DCC: variants seen among roughly 807,000 people sequenced by gnomAD.
DCC encodes netrin receptor DCC.
DCC carries 58 observed loss-of-function variants against 172.5 expected under a neutral mutation model. The observed-to-expected ratio is 0.34, with a 90% CI of 0.27 to 0.42. The LOEUF (loss-of-function observed/expected upper bound fraction) is 0.42, where lower values mean the gene tolerates loss of function less well. DCC is among the 10% of genes least tolerant of loss of function. The pLI, the probability that DCC is intolerant of heterozygous loss-of-function variation, is 1.00. For synonymous variants in DCC, 709 were observed against 644.5 expected (o/e 1.10, Z -1.52); for missense variants, 1,740 against 1,791.0 (o/e 0.97, Z 0.51).
intron 1 of DCC, among the ~76,000 whole-genome samples, chr18:52,532,009 T>A (rs940364949): frequency 3.2e-4 from 49 of 152,332 alleles, no homozygotes; most frequent in African/African-American, 1.2e-3. Context: ...TCTCTTTCCT[T>A]TGCACAATGC....
In DCC at chr18:53,534,385, C is replaced by G. The variant is rs988521239; in HGVS notation, c.*3732C>G. On this transcript the variant is annotated 3_prime_UTR_variant, in exon 29 of 29. Transcript: ENST00000442544. Reference sequence around the variant, plus strand: ...TCACTCAGTTCCCTTCATGCAACCACAGGCAGTCCTGCAGGCCAGAGGTTA... The same window carrying G: ...TCACTCAGTTCCCTTCATGCAACCAGAGGCAGTCCTGCAGGCCAGAGGTTA... The G allele has an allele frequency of 2.0e-5, 3 of 152,220 alleles. No homozygotes were observed. The highest frequency in any genetic ancestry group is 2.9e-5 in the Non-Finnish European group (2 of 68,050). 9.4% of individuals were successfully genotyped at this position (152,220 alleles called of 1,614,324 possible).
intron 3 of DCC, among the ~76,000 whole-genome samples, chr18:52,909,288 CAT>C (rs1402146876): frequency 3.9e-5 from 6 of 152,074 alleles, no homozygotes; most frequent in African/African-American, 1.4e-4. Context: ...ATACAAACAT[CAT>C]ATTATTGGCA....
chr18:52,897,386 GA>G (rs1412475000), intron 2 of DCC, among the ~76,000 whole-genome samples: 10 of 152,262 alleles, frequency 6.6e-5, no homozygotes, highest in African/African-American at 2.4e-4. Flanking sequence ...GACTATGTTG[GA>G]AAGTGACAGA....
chr18:53,386,168 A>G lies in DCC; in HGVS notation c.2455+30A>G, dbSNP rs748208330. 4 of 1,381,514 alleles carry G rather than the reference A, an allele frequency of 2.9e-6. No individual in the cohort carries two copies. The Admixed American group carries it at 5.0e-5, about 17-fold the overall frequency. 85.6% of individuals were successfully genotyped at this position (1,381,514 alleles called of 1,614,324 possible). ...GTGAAATTGTTAATCTTCCTCTGAC[A>G]AAGTATATTTGATTTATGGTGAAAA... On this transcript the variant is annotated intron_variant, in intron 16 of 28. Transcript: ENST00000442544.
chr18:53,117,763 A>G (rs2043428349), intron 7 of DCC, among the ~76,000 whole-genome samples: 1 of 151,730 alleles, frequency 6.6e-6, no homozygotes, highest in Non-Finnish European at 1.5e-5. Flanking sequence ...TGGACTCTAC[A>G]GTTTTCAGGC....
At chr18:53,440,929 C>T (rs1471064421) in intron 22 of DCC, among the ~76,000 whole-genome samples, 1 of 152,202 alleles carries the variant, frequency 6.6e-6, no homozygotes, top group African/African-American at 2.4e-5. Context: ...GCTAGAGCAG[C>T]ACTTCTGAAC....
At chr18:52,892,502 C>T (rs1243355719) in intron 2 of DCC, 1 of 152,110 alleles carries the variant, frequency 6.6e-6, no homozygotes, top group African/African-American at 2.4e-5. Flanking sequence ...AACGTACTGA[C>T]ATTTTTCTAC....
At chr18:52,931,712 C>T (rs887108666) in intron 5 of DCC, 1 of 152,006 alleles carries the variant, frequency 6.6e-6, no homozygotes, top group African/African-American at 2.4e-5. Context: ...ACCTTATTTA[C>T]AATAAATAAA....
chr18:52,640,212 A>T (rs186267597), intron 1 of DCC, among the ~76,000 whole-genome samples: 314 of 152,316 alleles, frequency 2.1e-3, no homozygotes, highest in African/African-American at 7.2e-3. Context: ...ACATATCTTA[A>T]TGTAATAAAA....
At chr18:52,538,955 G>T (rs925291471) in intron 1 of DCC, among the ~76,000 whole-genome samples, 5 of 152,172 alleles carry the variant, frequency 3.3e-5, no homozygotes, top group Admixed American at 3.3e-4. Context: ...CGGTACTGAG[G>T]TTGGTTAGCT....
At chr18:52,546,914 T>C (rs540325327) in intron 1 of DCC, among the ~76,000 whole-genome samples, 1 of 152,224 alleles carries the variant, frequency 6.6e-6, no homozygotes, top group South Asian at 2.1e-4. Flanking sequence ...GGATCCAATT[T>C]AGAAGTCTGT....
chr18:53,231,572 T>G (rs2144616442), intron 12 of DCC, among the ~76,000 whole-genome samples: 1 of 152,234 alleles, frequency 6.6e-6, no homozygotes, highest in South Asian at 2.1e-4. Flanking sequence ...AGGCTGTTTT[T>G]ATGATTAATT....
chr18:53,229,487 C>G (rs1222415786), intron 12 of DCC, among the ~76,000 whole-genome samples: 1 of 152,102 alleles, frequency 6.6e-6, no homozygotes, highest in Non-Finnish European at 1.5e-5. Flanking sequence ...TTACTATTAT[C>G]TATGCCCTTT....
In DCC at chr18:53,130,524, C is replaced by G. The variant is rs367804822; in HGVS notation, c.1262-26832C>G. Among the ~76,000 whole-genome samples the G allele has an allele frequency of 1.1e-4, 17 of 152,052 alleles. No individual in the cohort carries two copies. In the East Asian group the frequency reaches 3.1e-3, roughly 28 times the overall value. On this transcript the variant is annotated intron_variant, in intron 7 of 28. Transcript: ENST00000442544. ...CTAGGGATTTTAAGGTTAAGTTCTCCCCATGTGATACCTATTCTCTCCTGT... is the reference window on the plus strand; with the variant it reads ...CTAGGGATTTTAAGGTTAAGTTCTCGCCATGTGATACCTATTCTCTCCTGT...
In DCC at chr18:52,950,929, CAAAAAAAAAAAAAAAAAAAAAAAA is replaced by C. The variant is rs755118442; in HGVS notation, c.985+25578_985+25601del. Among the ~76,000 whole-genome samples the C allele has an allele frequency of 6.4e-3, 368 of 57,424 alleles. 2 individuals carry two copies. Among genetic ancestry groups the C allele is most frequent in the Non-Finnish European group, 9.3e-3 (303 of 32,628 alleles). 37.7% of individuals were successfully genotyped at this position (57,424 alleles called of 152,430 possible). A position where few individuals can be genotyped will look rare whatever the true frequency, so the allele number is the denominator to read the frequency against. Reference sequence around the variant, plus strand: ...TGGGCGACAGAGTGAGACTCCGTCTCAAAAAAAAAAAAAAAAAAAAAAAAAAAAAAAAAAAAAAAAAAGTCTGAA... The same window carrying C: ...TGGGCGACAGAGTGAGACTCCGTCTCAAAAAAAAAAAAAAAAAAGTCTGAA... On this transcript the variant is annotated intron_variant, in intron 5 of 28. Transcript: ENST00000442544.
chr18:53,416,400 C>G, intron 21 of DCC: 2 of 662,014 alleles, frequency 3.0e-6, no homozygotes, highest in African/African-American at 1.8e-5. Context: ...ATTAAAATGT[C>G]AAGCTTCTTT....
chr18:53,235,326 G>C (rs1009061269), intron 12 of DCC, among the ~76,000 whole-genome samples: 8 of 152,174 alleles, frequency 5.3e-5, no homozygotes, highest in Non-Finnish European at 7.4e-5. Flanking sequence ...ATGGAAGCCT[G>C]TCTGCTGTCT....
chr18:52,580,116 A>G (rs62083390), intron 1 of DCC, among the ~76,000 whole-genome samples: 10,402 of 152,310 alleles, frequency 0.068, 449 homozygotes, highest in Middle Eastern at 0.11. Context: ...CTGTGCTGCA[A>G]GTTGGGCTCA....
intron 1 of DCC, among the ~76,000 whole-genome samples, chr18:52,709,152 T>C (rs1190049759): frequency 1.3e-5 from 2 of 152,182 alleles, no homozygotes; most frequent in African/African-American, 4.8e-5. Flanking sequence ...ATCTCCATTT[T>C]ATTGGAGAGA....
Sources: gnomAD v4.1 joint callset for allele counts (sites outside exome capture counted in the v4.1 genomes callset) on GRCh38, gnomAD v4.1.1 for gene constraint, MANE v1.5 for transcripts, NCBI Gene and HGNC (gene_info 2026-07-23, HGNC 2026-07-21) for gene names.